PSD3: variants seen among roughly 807,000 people sequenced by gnomAD.
The protein encoded by PSD3 is PH and SEC7 domain-containing protein 3.
Under a neutral mutation model 105.5 loss-of-function variants are expected in PSD3, and 49 were observed. That is an observed-to-expected ratio of 0.46 (90% CI 0.37 to 0.59). The LOEUF (loss-of-function observed/expected upper bound fraction) is 0.59. PSD3 is among the 20% of genes least tolerant of loss of function. PSD3 has a pLI of 0.00. For missense variants in PSD3, 1,561 were observed against 1,263.8 expected (o/e 1.24, Z -3.57); for synonymous variants, 557 against 457.8 (o/e 1.22, Z -2.77).
chr8:18,704,603 GT>G (rs1349362675), intron 9 of PSD3, among the ~76,000 whole-genome samples: 1 of 152,194 alleles, frequency 6.6e-6, no homozygotes, highest in African/African-American at 2.4e-5. Flanking sequence ...GCCTCACAAA[GT>G]GTTGGGATTA....
intron 1 of PSD3, chr8:19,001,644 T>C (rs1381125210): frequency 1.3e-5 from 2 of 152,006 alleles, no homozygotes; most frequent in Non-Finnish European, 2.9e-5. Context: ...ATCGAATCTG[T>C]ATAGGAATCA....
chr8:18,912,482 A>AT (rs1330109748), intron 2 of PSD3, among the ~76,000 whole-genome samples: 1 of 152,210 alleles, frequency 6.6e-6, no homozygotes, highest in Non-Finnish European at 1.5e-5. Flanking sequence ...GAAGGAAAAA[A>AT]ATATATATAT....
intron 1 of PSD3, among the ~76,000 whole-genome samples, chr8:18,985,107 T>A (rs934480946): frequency 6.6e-6 from 1 of 152,178 alleles, no homozygotes; most frequent in Non-Finnish European, 1.5e-5. Flanking sequence ...CTAATTTTTA[T>A]ATTTTTAGTG....
At chr8:18,752,642 A>AATAT (rs1174648004) in intron 9 of PSD3, among the ~76,000 whole-genome samples, 2 of 89,314 alleles carry the variant, frequency 2.2e-5, no homozygotes, top group African/African-American at 1.2e-4. Flanking sequence ...TAATATATAT[A>AATAT]ATATATATAA....
At chr8:18,553,411 G>A (rs577448118) in intron 15 of PSD3, among the ~76,000 whole-genome samples, 14 of 152,276 alleles carry the variant, frequency 9.2e-5, no homozygotes, top group African/African-American at 2.9e-4. Context: ...GGAGCTTCTG[G>A]TCCTGTTAAA....
chr8:18,577,396 A>G lies in PSD3; in HGVS notation c.2482-2111T>C, dbSNP rs150813845. ...CTTTGAGGAATGAATGTGTCTTTAT[A>G]TTCAAGTTTATTGACTCGGTTCCTC... On this transcript the variant is annotated intron_variant, in intron 12 of 15. Coordinates refer to ENST00000327040, the MANE Select transcript of PSD3 (RefSeq NM_015310.4). 4.6e-5 allele frequency among the ~76,000 whole-genome samples: 7 copies of G among 152,140 alleles called. No homozygotes were observed. The East Asian group carries it at 9.7e-4, about 21-fold the overall frequency.
At chr8:18,996,326 A>C (rs1826078310) in intron 1 of PSD3, among the ~76,000 whole-genome samples, 1 of 151,962 alleles carries the variant, frequency 6.6e-6, no homozygotes, top group Non-Finnish European at 1.5e-5. Flanking sequence ...GACAGAGTGT[A>C]CCTCAGATCC....
intron 9 of PSD3, among the ~76,000 whole-genome samples, chr8:18,759,449 ATTTTG>A (rs1806333466): frequency 6.6e-6 from 1 of 152,114 alleles, no homozygotes; most frequent in Admixed American, 6.6e-5. Flanking sequence ...TATTTGGAAC[ATTTTG>A]TTTTGTTGTT....
chr8:18,690,354 C>T lies in PSD3; in HGVS notation c.2173-34669G>A, dbSNP rs1292932826. Reference sequence around the variant, plus strand: ...CAAAGCAAGTTAATTTTGCAGAGAACGATAGCTACTACTGTTAAGGATACA... The same window carrying T: ...CAAAGCAAGTTAATTTTGCAGAGAATGATAGCTACTACTGTTAAGGATACA... On this transcript the variant is annotated intron_variant, in intron 9 of 15. Coordinates refer to ENST00000327040, the MANE Select transcript of PSD3 (RefSeq NM_015310.4). Among the ~76,000 whole-genome samples the T allele has an allele frequency of 3.3e-5, 5 of 152,148 alleles. No individual in the cohort carries two copies. In the South Asian group the frequency reaches 6.2e-4, roughly 19 times the overall value.
At chr8:19,047,705 G>A (rs1828374517) in intron 1 of PSD3, among the ~76,000 whole-genome samples, 1 of 152,080 alleles carries the variant, frequency 6.6e-6, no homozygotes, top group African/African-American at 2.4e-5. Context: ...CACTCAGTAG[G>A]GATGTGTTGA....
intron 2 of PSD3, among the ~76,000 whole-genome samples, chr8:18,929,104 CA>C (rs934877069): frequency 6.6e-6 from 1 of 152,168 alleles, no homozygotes; most frequent in African/African-American, 2.4e-5. Context: ...GTATGGTTTA[CA>C]AATTGTATCT....
At chr8:18,946,922 A>G (rs1220720001) in intron 1 of PSD3, among the ~76,000 whole-genome samples, 1 of 150,000 alleles carries the variant, frequency 6.7e-6, no homozygotes, top group East Asian at 1.9e-4. Context: ...AAAAATAAAT[A>G]AAATAAAATA....
rs555300589 is a variant in PSD3, at chr8:19,036,224, G to A, written c.324+47982C>T. On this transcript the variant is annotated intron_variant, in intron 1 of 1. Transcript: ENST00000521475. Reference sequence around the variant, plus strand: ...TTCAGAATGGCTCAAGGAGTTGCTTGTGGAGAGCTTTAGATCTCCCCAAAT... The same window carrying A: ...TTCAGAATGGCTCAAGGAGTTGCTTATGGAGAGCTTTAGATCTCCCCAAAT... 3.9e-5 allele frequency among the ~76,000 whole-genome samples: 6 copies of A among 152,264 alleles called. No homozygotes were observed. The South Asian group carries it at 6.2e-4, about 16-fold the overall frequency.
intron 13 of PSD3, among the ~76,000 whole-genome samples, chr8:18,573,999 C>G (rs540130161): frequency 1.7e-4 from 26 of 152,268 alleles, no homozygotes; most frequent in Middle Eastern, 6.8e-3. Context: ...AGGTGAAAAT[C>G]ATCTGATGTG....
chr8:18,847,032 G>C (rs1192137313), intron 4 of PSD3, among the ~76,000 whole-genome samples: 2 of 152,134 alleles, frequency 1.3e-5, no homozygotes, highest in African/African-American at 4.8e-5. Context: ...CAATACCCAT[G>C]TCCTGGATAA....
chr8:18,872,769 T>C (rs939211995), intron 2 of PSD3, 36 bp from the exon 3 acceptor site: 2 of 1,505,516 alleles, frequency 1.3e-6, no homozygotes, highest in African/African-American at 1.4e-5. Flanking sequence ...TGACTTGTTG[T>C]AGAAAGACAG....
In PSD3 at chr8:18,653,351, G is replaced by A. The variant is rs1388230280; in HGVS notation, c.2216+2291C>T. Reference sequence around the variant, plus strand: ...TCTATGTATATGCATATGAACAAGAGAGAAAAAGAAAAAAAGACAAAAAAA... The same window carrying A: ...TCTATGTATATGCATATGAACAAGAAAGAAAAAGAAAAAAAGACAAAAAAA... On this transcript the variant is annotated intron_variant, in intron 10 of 15. Coordinates refer to ENST00000327040, the MANE Select transcript of PSD3 (RefSeq NM_015310.4). Among the ~76,000 whole-genome samples, 3 of 147,594 alleles carry A rather than the reference G, an allele frequency of 2.0e-5. No homozygotes were observed. The East Asian group carries it at 5.9e-4, about 29-fold the overall frequency.
At chr8:18,942,488 C>T (rs745488058) in intron 1 of PSD3, among the ~76,000 whole-genome samples, 12 of 152,104 alleles carry the variant, frequency 7.9e-5, no homozygotes, top group Non-Finnish European at 1.6e-4. Flanking sequence ...ATTGTGTCCC[C>T]CCAAGATTTA....
chr8:18,826,253 C>T (rs937451239), intron 4 of PSD3, among the ~76,000 whole-genome samples: 4 of 152,306 alleles, frequency 2.6e-5, no homozygotes, highest in Admixed American at 2.0e-4. Flanking sequence ...GTCTCCAGCT[C>T]GCAGATGGCC....
Sources: gnomAD v4.1 joint callset for allele counts (sites outside exome capture counted in the v4.1 genomes callset) on GRCh38, gnomAD v4.1.1 for gene constraint, MANE v1.5 for transcripts, NCBI Gene and HGNC (gene_info 2026-07-23, HGNC 2026-07-21) for gene names.